The following EP300 variants were observed in gnomAD, a reference collection of about 807,000 sequenced individuals.
EP300 encodes the protein EP300 lysine acetyltransferase.
Under a neutral mutation model 264.0 loss-of-function variants are expected in EP300, and 31 were observed. The ratio of observed to expected loss-of-function variants is 0.12; its 90% CI spans 0.09 to 0.16. The LOEUF (loss-of-function observed/expected upper bound fraction) is 0.16. Among genes scored for constraint, EP300 ranks in the 10% least tolerant of loss-of-function variants. The pLI, the probability that EP300 is intolerant of heterozygous loss-of-function variation, is 1.00. For synonymous variants in EP300, 1,340 were observed against 1,045.4 expected (o/e 1.28, Z -5.44); for missense variants, 2,766 against 3,052.9 (o/e 0.91, Z 2.21).
At chr22:41,099,198 G>A (rs979765981) in intron 1 of EP300, among the ~76,000 whole-genome samples, 8 of 152,082 alleles carry the variant, frequency 5.3e-5, no homozygotes, top group African/African-American at 1.9e-4. Context: ...GGAGTAGCTA[G>A]GACTACAGCT....
intron 30 of EP300, 30 bp from the exon 31 acceptor site, chr22:41,176,743 G>C (rs1356814217): frequency 6.2e-7 from 1 of 1,613,562 alleles, no homozygotes; most frequent in African/African-American, 1.3e-5. Context: ...ATCTTGGAGA[G>C]TTTACGTGCA....
chr22:41,117,073 A>G (rs2058825583), intron 1 of EP300, 114 bp from the exon 2 acceptor site: 1 of 946,702 alleles, frequency 1.1e-6, no homozygotes, highest in Admixed American at 2.0e-5. Context: ...ATAAATAGAA[A>G]AACATGGAGT....
intron 22 of EP300, 148 bp from the exon 23 acceptor site, chr22:41,166,450 TA>T: frequency 1.6e-6 from 1 of 631,342 alleles, no homozygotes. Context: ...TACTGATTTC[TA>T]AAAGCTCTTT....
At chr22:41,145,836 CGTGCTATCTAGGATG>C (rs1217184866) in intron 10 of EP300, among the ~76,000 whole-genome samples, 1 of 151,858 alleles carries the variant, frequency 6.6e-6, no homozygotes, top group African/African-American at 2.4e-5. Flanking sequence ...CGGGTTTCAC[CGTGCTATCTAGGATG>C]GTCTCGATCT....
intron 28 of EP300, among the ~76,000 whole-genome samples, chr22:41,173,387 T>G (rs1405809624): frequency 6.6e-6 from 1 of 152,232 alleles, no homozygotes; most frequent in African/African-American, 2.4e-5. Flanking sequence ...CTGCACATTC[T>G]GTGGCCTCTT....
chr22:41,123,022 T>C (rs1289686415), intron 2 of EP300, among the ~76,000 whole-genome samples: 1 of 152,004 alleles, frequency 6.6e-6, no homozygotes, highest in East Asian at 1.9e-4. Flanking sequence ...GGCAACAGAG[T>C]GAGACCCTGT....
chr22:41,167,850 T>TTTTTTTTTTTTTTTTTTTTTTC (rs1371444206), intron 23 of EP300, among the ~76,000 whole-genome samples: 1 of 110,984 alleles, frequency 9.0e-6, no homozygotes. Context: ...TTTTTTTTTT[T>TTTTTTTTTTTTTTTTTTTTTTC]TGAGACAGAG....
intron 1 of EP300, among the ~76,000 whole-genome samples, chr22:41,114,835 ACT>A (rs2058812465): frequency 6.6e-6 from 1 of 151,546 alleles, no homozygotes; most frequent in Non-Finnish European, 1.5e-5. Context: ...AAAAAAAAAA[ACT>A]ACAAGAAGAG....
chr22:41,176,185 A>C, intron 29 of EP300, 62 bp from the exon 30 acceptor site: 1 of 1,600,538 alleles, frequency 6.2e-7, no homozygotes, highest in African/African-American at 1.3e-5. Context: ...ACGCCACTGC[A>C]TTCCAGCCTG....
At chr22:41,137,356 C>CAAAA (rs35403189) in intron 7 of EP300, among the ~76,000 whole-genome samples, 53 of 92,734 alleles carry the variant, frequency 5.7e-4, no homozygotes, top group South Asian at 3.8e-3. Flanking sequence ...GACTTTGTCT[C>CAAAA]AAAAAAAAAA....
At chr22:41,114,728 A>T (rs1488296605) in intron 1 of EP300, among the ~76,000 whole-genome samples, 1 of 152,094 alleles carries the variant, frequency 6.6e-6, no homozygotes, top group Non-Finnish European at 1.5e-5. Flanking sequence ...AGGGGTGGTC[A>T]CAAGGGATGG....
chr22:41,175,086 T>TA (rs1174664529), intron 29 of EP300, among the ~76,000 whole-genome samples: 1 of 152,228 alleles, frequency 6.6e-6, no homozygotes, highest in African/African-American at 2.4e-5. Flanking sequence ...AATTAATAGT[T>TA]ACTAGCTATT....
chr22:41,157,431 G>T, intron 18 of EP300, 23 bp downstream of exon 18: 1 of 1,575,654 alleles, frequency 6.3e-7, no homozygotes, highest in South Asian at 1.1e-5. Context: ...TTTCAGATTT[G>T]ACTTTAACTT....
chr22:41,108,324 C>T (rs1204605081), intron 1 of EP300, among the ~76,000 whole-genome samples: 1 of 146,682 alleles, frequency 6.8e-6, no homozygotes, highest in Non-Finnish European at 1.5e-5. Context: ...TCATGGCTCG[C>T]TGCAACCTCA....
intron 6 of EP300, among the ~76,000 whole-genome samples, chr22:41,134,843 C>A (rs1435205260): frequency 6.6e-6 from 1 of 152,180 alleles, no homozygotes; most frequent in Non-Finnish European, 1.5e-5. Flanking sequence ...GACCTGGACA[C>A]TAGCATATTT....
intron 19 of EP300, chr22:41,160,436 A>C (rs1365432151): frequency 5.6e-6 from 3 of 538,656 alleles, no homozygotes; most frequent in Admixed American, 3.3e-5. Context: ...AAAAACAAAA[A>C]AAAACAAAAA....
At chr22:41,110,117 G>GCCCCCCCCC (rs60023863) in intron 1 of EP300, among the ~76,000 whole-genome samples, 2 of 65,514 alleles carry the variant, frequency 3.1e-5, no homozygotes, top group Admixed American at 2.4e-4. Flanking sequence ...CCTGTTCCCT[G>GCCCCCCCCC]CCCCCCCCCC....
At chr22:41,097,148 A>G (rs910758382) in intron 1 of EP300, among the ~76,000 whole-genome samples, 3 of 152,220 alleles carry the variant, frequency 2.0e-5, no homozygotes, top group African/African-American at 4.8e-5. Context: ...ACATTTTACT[A>G]AAGTGCTTTA....
intron 2 of EP300, among the ~76,000 whole-genome samples, chr22:41,123,378 T>A (rs908197400): frequency 3.9e-5 from 6 of 152,172 alleles, no homozygotes; most frequent in Admixed American, 2.6e-4. Context: ...CATAGATAGG[T>A]AGTCAGACTT....
Sources: gnomAD v4.1 joint callset for allele counts (sites outside exome capture counted in the v4.1 genomes callset) on GRCh38, gnomAD v4.1.1 for gene constraint, MANE v1.5 for transcripts, NCBI Gene and HGNC (gene_info 2026-07-23, HGNC 2026-07-21) for gene names.